Variants in TMEM164 observed in about 807,000 individuals in gnomAD.
TMEM164 encodes the protein RP13-360B22.2.
Under a neutral mutation model 18.8 loss-of-function variants are expected in TMEM164, and 4 were observed. The ratio of observed to expected loss-of-function variants is 0.21; its 90% CI spans 0.10 to 0.49. TMEM164 has a LOEUF of 0.49. Ranked by LOEUF, TMEM164 falls within the 20% of genes least tolerant of loss-of-function variation. The pLI is 0.98. For missense variants in TMEM164, 108 were observed against 239.9 expected, an observed-to-expected ratio of 0.45 and a Z score of 3.63; for synonymous variants, 86 against 101.7, an observed-to-expected ratio of 0.85 and a Z score of 0.93.
At chrX:110,021,249 G>C (rs1029565129) in intron 2 of TMEM164, among the ~76,000 whole-genome samples, 2 of 111,854 alleles carry the variant, frequency 1.8e-5, no homozygotes, top group African/African-American at 6.5e-5. Context: ...AGATTCAATG[G>C]ACAAAGGAAG....
chrX:110,138,675 C>T (rs1056222346), intron 4 of TMEM164, among the ~76,000 whole-genome samples: 2 of 112,318 alleles, frequency 1.8e-5, no homozygotes, highest in South Asian at 7.4e-4. Context: ...GAATGATCAA[C>T]TGCATCAAAT....
At chrX:110,125,195 C>A (rs941215852) in intron 4 of TMEM164, among the ~76,000 whole-genome samples, 1 of 111,682 alleles carries the variant, frequency 9.0e-6, no homozygotes, top group Non-Finnish European at 1.9e-5. Flanking sequence ...GTAGTAAATG[C>A]TCAATAAAGG....
At chrX:110,027,333 A>G (rs1287344480) in intron 2 of TMEM164, among the ~76,000 whole-genome samples, 1 of 112,027 alleles carries the variant, frequency 8.9e-6, no homozygotes, top group African/African-American at 3.2e-5. Context: ...AGTGTGGTCA[A>G]TTATACTGAT....
At chrX:110,103,102 T>C (rs184363863) in intron 3 of TMEM164, among the ~76,000 whole-genome samples, 82 of 112,729 alleles carry the variant, frequency 7.3e-4, no homozygotes, top group African/African-American at 2.5e-3. Context: ...TGTAGCATCC[T>C]ATACAAAACC....
chrX:110,115,853 G>A (rs1360443381), intron 4 of TMEM164, among the ~76,000 whole-genome samples: 1 of 112,042 alleles, frequency 8.9e-6, no homozygotes, highest in African/African-American at 3.2e-5. Flanking sequence ...ATTTTGGGAG[G>A]TCAAGGCAGG....
intron 3 of TMEM164, among the ~76,000 whole-genome samples, chrX:110,072,118 T>A (rs11797092): frequency 0.45 from 47,760 of 106,619 alleles, 9,543 homozygotes; most frequent in Non-Finnish European, 0.62. Flanking sequence ...CTTACCAACA[T>A]GGTGAAACCC....
intron 2 of TMEM164, among the ~76,000 whole-genome samples, chrX:110,041,166 A>G (rs1457608368): frequency 8.9e-6 from 1 of 112,050 alleles, no homozygotes; most frequent in African/African-American, 3.2e-5. Flanking sequence ...ATCTGAGCCA[A>G]TTTGATTTTC....
intron 3 of TMEM164, among the ~76,000 whole-genome samples, chrX:110,085,479 G>C (rs1487471046): frequency 9.1e-6 from 1 of 110,281 alleles, no homozygotes; most frequent in African/African-American, 3.3e-5. Flanking sequence ...TTTTTGTATG[G>C]TTTATGAATA....
At chrX:110,023,008 A>G (rs1454953933) in intron 2 of TMEM164, among the ~76,000 whole-genome samples, 3 of 112,334 alleles carry the variant, frequency 2.7e-5, no homozygotes, top group Non-Finnish European at 3.8e-5. Flanking sequence ...TTGAGGTCCT[A>G]TTACACTCTG....
chrX:110,038,289 C>G (rs1934935932), intron 2 of TMEM164, among the ~76,000 whole-genome samples: 1 of 111,060 alleles, frequency 9.0e-6, no homozygotes, highest in South Asian at 3.8e-4. Flanking sequence ...CCGCGCCCGG[C>G]CTGGACTCAT....
intron 2 of TMEM164, among the ~76,000 whole-genome samples, chrX:110,066,014 G>T (rs951832487): frequency 8.9e-6 from 1 of 111,841 alleles, no homozygotes; most frequent in African/African-American, 3.3e-5. Flanking sequence ...TTGATCAAGG[G>T]AAAAGGCACA....
chrX:110,051,323 AT>A (rs1034103809), intron 2 of TMEM164, among the ~76,000 whole-genome samples: 11 of 110,120 alleles, frequency 1.0e-4, no homozygotes, highest in African/African-American at 3.0e-4. Context: ...GGCCCCAGGA[AT>A]TTTTTTTTCT....
chrX:110,171,364 C>T (rs943242882), intron 5 of TMEM164, 56 bp from the exon 6 acceptor site: 2 of 918,218 alleles, frequency 2.2e-6, no homozygotes, highest in African/African-American at 3.9e-5. Context: ...CCTCATGGTA[C>T]AAAGGTGAAG....
rs779169870 is a variant in TMEM164 at position 110,141,704 on chromosome X, G to A, written c.508-3094G>A. ...GGGGTCACAGCCAAAACATATCAACGTATAGAAATATTTAACACAGTACAT... is the reference window on the plus strand; with the variant it reads ...GGGGTCACAGCCAAAACATATCAACATATAGAAATATTTAACACAGTACAT... On this transcript the variant is annotated intron_variant, in intron 4 of 6. Coordinates refer to ENST00000372068, the MANE Select transcript of TMEM164 (RefSeq NM_032227.4). Among the ~76,000 whole-genome samples the A allele has an allele frequency of 4.7e-3, 529 of 112,120 alleles. 2 individuals are homozygous for A. The highest frequency in any genetic ancestry group is 7.7e-3 in the Non-Finnish European group (408 of 53,178).
At chrX:110,148,708 T>G (rs753418479) in intron 5 of TMEM164, among the ~76,000 whole-genome samples, 1 of 95,429 alleles carries the variant, frequency 1.0e-5, no homozygotes, top group South Asian at 5.3e-4. Flanking sequence ...TTGTATTGTG[T>G]AGAGACAGGG....
intron 4 of TMEM164, among the ~76,000 whole-genome samples, chrX:110,124,005 A>G (rs2066488636): frequency 9.1e-6 from 1 of 110,025 alleles, no homozygotes; most frequent in South Asian, 3.8e-4. Context: ...AGTCTCACCT[A>G]CTTGGGAGGC....
chrX:110,107,677 C>G (rs972324600), intron 3 of TMEM164, among the ~76,000 whole-genome samples: 4 of 104,682 alleles, frequency 3.8e-5, no homozygotes, highest in Admixed American at 1.0e-4. Context: ...CCTCCCTTCC[C>G]CTCCCCAAGT....
At chrX:110,142,413 T>C (rs1569348014) in intron 4 of TMEM164, among the ~76,000 whole-genome samples, 1 of 112,074 alleles carries the variant, frequency 8.9e-6, no homozygotes, top group Admixed American at 9.4e-5. Flanking sequence ...GATAGCTGAG[T>C]GTGCTGGCTA....
chrX:110,150,310 G>T, intron 5 of TMEM164, among the ~76,000 whole-genome samples: 1 of 111,743 alleles, frequency 8.9e-6, no homozygotes, highest in East Asian at 2.8e-4. Flanking sequence ...TGGCAATGGG[G>T]AGCACAAGGG....
Sources: allele counts gnomAD v4.1 joint callset (sites outside exome capture counted in the v4.1 genomes callset), GRCh38; gene constraint gnomAD v4.1.1; transcripts MANE v1.5; gene names NCBI Gene and HGNC (gene_info 2026-07-23, HGNC 2026-07-21).